The following CALM3 variants were observed in gnomAD, a reference collection of about 807,000 sequenced individuals.
The protein encoded by CALM3 is calmodulin-3.
Under a neutral mutation model 20.1 loss-of-function variants are expected in CALM3, and 5 were observed. That is an observed-to-expected ratio of 0.25 (90% CI 0.13 to 0.52). CALM3 has a LOEUF of 0.52. Among genes scored for constraint, CALM3 ranks in the 20% least tolerant of loss-of-function variants. The probability of loss-of-function intolerance (pLI) is 0.96; values close to 1 mark genes in which losing one functional copy is unlikely to be tolerated. For synonymous variants in CALM3, 69 were observed against 68.1 expected, an observed-to-expected ratio of 1.01 and a Z score of -0.06; for missense variants, 57 against 192.8, an observed-to-expected ratio of 0.30 and a Z score of 4.17.
chr19:46,609,177 G>A lies in CALM3; in HGVS notation c.*24G>A. The A allele has an allele frequency of 6.2e-7, 1 of 1,612,898 alleles. No homozygotes were observed. Among genetic ancestry groups the A allele is most frequent in the Non-Finnish European group, 8.5e-7 (1 of 1,179,288 alleles). ...GAAGGCCCCCCGGGCAGCTGGCGAT[G>A]CCCGTTCTCTTGATCTCTCTCTTCT... On this transcript the variant is annotated 3_prime_UTR_variant, in exon 6 of 6. Transcript: ENST00000291295.
In CALM3 at chr19:46,610,393, G is replaced by A. The variant is rs1971856313; in HGVS notation, c.*1240G>A. The A allele has an allele frequency of 6.6e-6, 1 of 152,244 alleles. No individual in the cohort carries two copies. The highest frequency in any genetic ancestry group is 1.5e-5 in the Non-Finnish European group (1 of 68,058). The allele number at this position is 152,244 out of a possible 1,614,324, so 9.4% of individuals were successfully genotyped here. ...CTTCTGACTTTCGCCTCTGGGACAA[G>A]TAAGTCAATGTGGGCAGTTCAGTCG... On this transcript the variant is annotated 3_prime_UTR_variant, in exon 6 of 6. Transcript: ENST00000291295.
At chr19:46,604,512 G>A (rs1354044783) in intron 1 of CALM3, among the ~76,000 whole-genome samples, 4 of 147,360 alleles carry the variant, frequency 2.7e-5, no homozygotes, top group African/African-American at 1.0e-4. Context: ...CTCCCATTCT[G>A]CCTATTTGGG....
At chr19:46,601,286 CGTTGGGGCGG>C (rs1971606461), upstream of CALM3, 6 of 627,002 alleles carry the variant, frequency 9.6e-6, no homozygotes, top group South Asian at 2.6e-4. This position sits in a 1 kb window ranked among gnomAD's most constrained non-coding sequence, Gnocchi z 4.2. Context: ...GTTGAGGGAC[CGTTGGGGCGG>C]GAGGCGGCGG....
In CALM3 at chr19:46,608,605, A is replaced by G. The variant is rs149759804; in HGVS notation, c.285+17A>G. ...TTTGACAAGGTAAGCAGCCCTCTCCAGGGGCGGCTCTGAGACTGACGCCAG... is the reference window on the plus strand; with the variant it reads ...TTTGACAAGGTAAGCAGCCCTCTCCGGGGGCGGCTCTGAGACTGACGCCAG... On this transcript the variant is annotated intron_variant, in intron 4 of 5. Transcript: ENST00000291295. The surrounding 1 kb of genome is among the most constrained non-coding windows in gnomAD (Gnocchi z 5.5). The G allele has an allele frequency of 3.8e-5, 61 of 1,585,726 alleles. 1 individual carries two copies. In the Middle Eastern group the frequency reaches 1.3e-3, roughly 35 times the overall value.
In CALM3 at chr19:46,601,452, G is replaced by T; in HGVS notation, c.3+15G>T. On this transcript the variant is annotated intron_variant, in intron 1 of 5. Coordinates refer to ENST00000291295, the MANE Select transcript of CALM3 (RefSeq NM_005184.4). The surrounding 1 kb of genome is among the most constrained non-coding windows in gnomAD (Gnocchi z 4.2). ...GCCTCGCCATGGTGAGTGAGGCTGGGGGGTCGCCGAGGCTGCGGGCTCTGA... is the reference window on the plus strand; with the variant it reads ...GCCTCGCCATGGTGAGTGAGGCTGGTGGGTCGCCGAGGCTGCGGGCTCTGA... 1 of 1,495,322 alleles carries T rather than the reference G, an allele frequency of 6.7e-7. No individual in the cohort carries two copies. The allele number at this position is 1,495,322 out of a possible 1,614,324, so 92.6% of individuals were successfully genotyped here. A position where few individuals can be genotyped will look rare whatever the true frequency, so the allele number is the denominator to read the frequency against.
At chr19:46,606,018 C>A (rs936509014) in intron 2 of CALM3, 161 bp downstream of exon 2, 7 of 645,292 alleles carry the variant, frequency 1.1e-5, no homozygotes, top group South Asian at 1.8e-5. Context: ...TGTGTAAGAG[C>A]ACACCAGTGC....
chr19:46,604,187 C>T (rs1191048425), intron 1 of CALM3, among the ~76,000 whole-genome samples: 1 of 152,188 alleles, frequency 6.6e-6, no homozygotes, highest in African/African-American at 2.4e-5. Flanking sequence ...AGAAGCCCAT[C>T]CTCCCTTCTC....
Position 46,609,257 on chromosome 19 carries a change from C to T in CALM3, c.*104C>T. ...CTGCGTACCCCGGTTCTAGCAAACA[C>T]CAATTGATTGACTGAGAATCTGATA... On this transcript the variant is annotated 3_prime_UTR_variant, in exon 6 of 6. Transcript: ENST00000291295. 1 of 1,011,524 alleles carries T rather than the reference C, an allele frequency of 9.9e-7. No individual in the cohort carries two copies. The highest frequency in any genetic ancestry group is 1.5e-6 in the Non-Finnish European group (1 of 656,540). The allele number at this position is 1,011,524 out of a possible 1,614,324, so 62.7% of individuals were successfully genotyped here.
chr19:46,607,499 C>T (rs566356661), intron 2 of CALM3, among the ~76,000 whole-genome samples: 1 of 152,330 alleles, frequency 6.6e-6, no homozygotes, highest in South Asian at 2.1e-4. Flanking sequence ...CTGATGCGGC[C>T]CCAGCTGTGG....
rs1971620314 is a variant in CALM3 at position 46,601,666 on chromosome 19, A to G, written c.3+229A>G. On this transcript the variant is annotated intron_variant, in intron 1 of 5. Transcript: ENST00000291295. The surrounding 1 kb of genome is among the most constrained non-coding windows in gnomAD (Gnocchi z 4.2). ...AGCACCAAATGGGATGTTTAAGTCC[A>G]CAAATGGGTATCTGAGCCCCTAAAG... Among the ~76,000 whole-genome samples, 1 of 152,216 alleles carries G rather than the reference A, an allele frequency of 6.6e-6. No homozygotes were observed. The highest frequency in any genetic ancestry group is 1.5e-5 in the Non-Finnish European group (1 of 68,024).
At chr19:46,603,744 C>T (rs1971682945) in intron 1 of CALM3, among the ~76,000 whole-genome samples, 1 of 152,192 alleles carries the variant, frequency 6.6e-6, no homozygotes, top group African/African-American at 2.4e-5. Flanking sequence ...TGTACCTTTC[C>T]TTGACCAAGC....
Position 46,605,964 on chromosome 19 carries a change from G to C in CALM3, c.34+107G>C. On this transcript the variant is annotated intron_variant, in intron 2 of 5. Coordinates refer to ENST00000291295, the MANE Select transcript of CALM3 (RefSeq NM_005184.4). The surrounding 1 kb of genome is among the most constrained non-coding windows in gnomAD (Gnocchi z 4.1). Reference sequence around the variant, plus strand: ...TGATGGGTGAACCTGTGTATCCCTTGTGTCACCTAACACTATGCCTTGTGC... The same window carrying C: ...TGATGGGTGAACCTGTGTATCCCTTCTGTCACCTAACACTATGCCTTGTGC... 1 of 979,260 alleles carries C rather than the reference G, an allele frequency of 1.0e-6. No homozygotes were observed. The highest frequency in any genetic ancestry group is 1.6e-6 in the Non-Finnish European group (1 of 611,842). 60.7% of individuals were successfully genotyped at this position (979,260 alleles called of 1,614,324 possible). A position where few individuals can be genotyped will look rare whatever the true frequency, so the allele number is the denominator to read the frequency against.
chr19:46,609,236 G>C lies in CALM3; in HGVS notation c.*83G>C. The C allele has an allele frequency of 5.5e-6, 7 of 1,275,434 alleles. No individual in the cohort carries two copies. The highest frequency in any genetic ancestry group is 1.9e-5 in the Admixed American group (1 of 52,762). 79.0% of individuals were successfully genotyped at this position (1,275,434 alleles called of 1,614,324 possible). ...CACTCTCTCTTCAACACTCCCCTGCGTACCCCGGTTCTAGCAAACACCAAT... is the reference window on the plus strand; with the variant it reads ...CACTCTCTCTTCAACACTCCCCTGCCTACCCCGGTTCTAGCAAACACCAAT... On this transcript the variant is annotated 3_prime_UTR_variant, in exon 6 of 6. Transcript: ENST00000291295.
rs1446466956 is a variant in CALM3, at chr19:46,604,016, G to A, written c.4-1811G>A. Among the ~76,000 whole-genome samples the A allele has an allele frequency of 3.3e-5, 5 of 152,322 alleles. No individual in the cohort carries two copies. In the East Asian group the frequency reaches 7.7e-4, roughly 24 times the overall value. ...CGGGGAGCTGGACTTCTTGCAGGGC[G>A]GAACAGTGGGCTGGGAAGGCCCTGA... On this transcript the variant is annotated intron_variant, in intron 1 of 5. Transcript: ENST00000291295.
chr19:46,604,967 C>T (rs1274374297), intron 1 of CALM3, among the ~76,000 whole-genome samples: 1 of 152,060 alleles, frequency 6.6e-6, no homozygotes, highest in Non-Finnish European at 1.5e-5. Flanking sequence ...AGCCAGTCCC[C>T]GCATCTCCTC....
At position 46,604,523 on chromosome 19, in the gene CALM3, G is replaced by A. The variant is rs529523932; in HGVS notation, c.4-1304G>A. Among the ~76,000 whole-genome samples, 647 of 148,328 alleles carry A rather than the reference G, an allele frequency of 4.4e-3. 6 individuals carry two copies. Among genetic ancestry groups the A allele is most frequent in the African/African-American group, 0.016 (621 of 40,064 alleles). On this transcript the variant is annotated intron_variant, in intron 1 of 5. Transcript: ENST00000291295. The stretch of plus-strand genomic sequence containing the variant: ...ACCCCTCCCATTCTGCCTATTTGGG[G>A]CTTGCAAGTTCTTCTTCCGTTAGGT...
In CALM3 at chr19:46,605,975, C is replaced by A; in HGVS notation, c.34+118C>A. 2 of 887,982 alleles carry A rather than the reference C, an allele frequency of 2.3e-6. No homozygotes were observed. Among genetic ancestry groups the A allele is most frequent in the South Asian group, 1.4e-5 (1 of 72,140 alleles). The allele number at this position is 887,982 out of a possible 1,614,324, so 55.0% of individuals were successfully genotyped here. A position where few individuals can be genotyped will look rare whatever the true frequency, so the allele number is the denominator to read the frequency against. On this transcript the variant is annotated intron_variant, in intron 2 of 5. Coordinates refer to ENST00000291295, the MANE Select transcript of CALM3 (RefSeq NM_005184.4). The surrounding 1 kb of genome is among the most constrained non-coding windows in gnomAD (Gnocchi z 4.1). Reference sequence around the variant, plus strand: ...CCTGTGTATCCCTTGTGTCACCTAACACTATGCCTTGTGCCTAGAATGCTG... The same window carrying A: ...CCTGTGTATCCCTTGTGTCACCTAAAACTATGCCTTGTGCCTAGAATGCTG...
intron 2 of CALM3, among the ~76,000 whole-genome samples, chr19:46,607,772 G>A (rs866380599): frequency 7.2e-5 from 11 of 152,184 alleles, no homozygotes; most frequent in African/African-American, 2.7e-4. Flanking sequence ...TCCCCTCCTC[G>A]TCCCAGCCAG....
rs1971712381 is a variant in CALM3 at position 46,605,006 on chromosome 19, G to A, written c.4-821G>A. ...ACCCCCAAACCCCGCATGCAGCAAG[G>A]GCTGCCTGCCACCCACTGGCCAGTC... On this transcript the variant is annotated intron_variant, in intron 1 of 5. Coordinates refer to ENST00000291295, the MANE Select transcript of CALM3 (RefSeq NM_005184.4). This position sits in a 1 kb window ranked among gnomAD's most constrained non-coding sequence, Gnocchi z 4.1. Among the ~76,000 whole-genome samples, 5 of 152,124 alleles carry A rather than the reference G, an allele frequency of 3.3e-5. No homozygotes were observed. The South Asian group carries it at 1.0e-3, about 32-fold the overall frequency.
Sources: allele counts gnomAD v4.1 joint callset (sites outside exome capture counted in the v4.1 genomes callset), GRCh38; gene constraint gnomAD v4.1.1; non-coding constraint Gnocchi (gnomAD v3.1); transcripts MANE v1.5; gene names NCBI Gene and HGNC (gene_info 2026-07-23, HGNC 2026-07-21).